MGAT4C: variants seen among roughly 807,000 people sequenced by gnomAD.
The protein encoded by MGAT4C is alpha-1,3-mannosyl-glycoprotein 4-beta-N-acetylglucosaminyltransferase C.
MGAT4C carries 19 observed loss-of-function variants against 40.1 expected under a neutral mutation model. That is an observed-to-expected ratio of 0.47 (90% confidence interval 0.33 to 0.70). MGAT4C has a LOEUF of 0.70. Among genes scored for constraint, MGAT4C ranks in the 30% least tolerant of loss-of-function variants. MGAT4C has a pLI of 0.02. For synonymous variants in MGAT4C, 181 were observed against 187.1 expected, an observed-to-expected ratio of 0.97 and a Z score of 0.27; for missense variants, 491 against 563.2, an observed-to-expected ratio of 0.87 and a Z score of 1.30.
rs761382985 is a variant in MGAT4C at position 86,202,885 on chromosome 12, A to T, written c.-57+53354T>A. 1.5e-4 allele frequency among the ~76,000 whole-genome samples: 23 copies of T among 151,774 alleles called. 1 individual carries two copies. Among genetic ancestry groups the T allele is most frequent in the Non-Finnish European group, 2.2e-4 (15 of 67,906 alleles). On this transcript the variant is annotated intron_variant, in intron 1 of 4. Transcript: ENST00000611864. ...CAAAATTATTCTTTCATATGTCCAAATTTTTATTTACTTTCCTTAAATATA... is the reference window on the plus strand; with the variant it reads ...CAAAATTATTCTTTCATATGTCCAATTTTTTATTTACTTTCCTTAAATATA...
chr12:86,658,703 A>T (rs973255494), intron 2 of MGAT4C, among the ~76,000 whole-genome samples: 1 of 152,052 alleles, frequency 6.6e-6, no homozygotes. Flanking sequence ...TCATTTTTTC[A>T]AAAAGTATTT....
intron 2 of MGAT4C, among the ~76,000 whole-genome samples, chr12:86,549,527 T>C (rs1050703032): frequency 2.6e-5 from 4 of 152,236 alleles, no homozygotes; most frequent in East Asian, 1.9e-4. Context: ...ATTTTAGGTT[T>C]AATGATGCTT....
At chr12:86,432,011 A>G (rs1164573172) in intron 3 of MGAT4C, among the ~76,000 whole-genome samples, 1 of 152,144 alleles carries the variant, frequency 6.6e-6, no homozygotes, top group Non-Finnish European at 1.5e-5. Context: ...AGGAACTCTT[A>G]AAAGTGTACT....
chr12:86,336,918 G>T (rs955616864), intron 3 of MGAT4C, among the ~76,000 whole-genome samples: 1 of 152,080 alleles, frequency 6.6e-6, no homozygotes, highest in African/African-American at 2.4e-5. Flanking sequence ...CACTGCCAAG[G>T]GCTTTGGTGT....
chr12:86,671,148 T>C (rs1392949596), intron 2 of MGAT4C, among the ~76,000 whole-genome samples: 1 of 152,252 alleles, frequency 6.6e-6, no homozygotes, highest in Non-Finnish European at 1.5e-5. Flanking sequence ...AAGATTTATT[T>C]AATGAGTTTT....
intron 1 of MGAT4C, among the ~76,000 whole-genome samples, chr12:86,803,473 C>T (rs1434912546): frequency 2.0e-5 from 3 of 152,044 alleles, no homozygotes; most frequent in Admixed American, 2.0e-4. Flanking sequence ...TCAGAGTGAA[C>T]AGGCAACCTA....
At chr12:86,167,115 A>G (rs116508844) in intron 1 of MGAT4C, among the ~76,000 whole-genome samples, 110 of 152,302 alleles carry the variant, frequency 7.2e-4, no homozygotes, top group African/African-American at 2.6e-3. Flanking sequence ...GAAAGACACA[A>G]ATACAAGACC....
chr12:86,189,946 G>A (rs1354482973), intron 1 of MGAT4C, among the ~76,000 whole-genome samples: 1 of 151,898 alleles, frequency 6.6e-6, no homozygotes, highest in Non-Finnish European at 1.5e-5. Flanking sequence ...TCATATTTAT[G>A]CAATTAACTA....
chr12:86,578,534 T>G (rs1040547245), intron 2 of MGAT4C, among the ~76,000 whole-genome samples: 5 of 151,832 alleles, frequency 3.3e-5, no homozygotes, highest in Admixed American at 6.6e-5. Context: ...TATTACAGCT[T>G]TGACCTTGTT....
intron 3 of MGAT4C, among the ~76,000 whole-genome samples, chr12:86,380,145 T>C (rs1041736157): frequency 6.6e-6 from 1 of 152,130 alleles, no homozygotes; most frequent in Non-Finnish European, 1.5e-5. Flanking sequence ...ACTGAATACG[T>C]TTAAATTGGT....
intron 2 of MGAT4C, among the ~76,000 whole-genome samples, chr12:86,491,250 A>G (rs143853485): frequency 0.027 from 4,154 of 152,290 alleles, 156 homozygotes; most frequent in African/African-American, 0.086. Flanking sequence ...TTCTGAAACT[A>G]TTCCAATCAA....
At chr12:86,782,347 A>AC (rs1437144878) in intron 1 of MGAT4C, among the ~76,000 whole-genome samples, 6 of 151,342 alleles carry the variant, frequency 4.0e-5, no homozygotes, top group Non-Finnish European at 7.4e-5. Context: ...ACGCCCGGCT[A>AC]ATTTTTTGTA....
At position 85,956,011 on chromosome 12, in the gene MGAT4C, T is replaced by C. The variant is rs944069482; in HGVS notation, c.*23278A>G. 6.6e-6 allele frequency: 1 copy of C among 152,180 alleles called. No individual in the cohort carries two copies. Among genetic ancestry groups the C allele is most frequent in the African/African-American group, 2.4e-5 (1 of 41,454 alleles). 9.4% of individuals were successfully genotyped at this position (152,180 alleles called of 1,614,324 possible). Reference sequence around the variant, plus strand: ...AAATTAAGTCCATGAATACATATAGTAAAATGTAGAGGTTTTCAATTGGTT... The same window carrying C: ...AAATTAAGTCCATGAATACATATAGCAAAATGTAGAGGTTTTCAATTGGTT... On this transcript the variant is annotated 3_prime_UTR_variant, in exon 5 of 5. Transcript: ENST00000611864.
intron 1 of MGAT4C, among the ~76,000 whole-genome samples, chr12:86,122,262 A>G (rs1879485991): frequency 6.6e-6 from 1 of 152,178 alleles, no homozygotes; most frequent in Admixed American, 6.5e-5. Flanking sequence ...ATTAGTAAAA[A>G]TACATATTCC....
chr12:86,837,563 C>T (rs1953061818), intron 1 of MGAT4C, among the ~76,000 whole-genome samples: 1 of 152,020 alleles, frequency 6.6e-6, no homozygotes, highest in Admixed American at 6.6e-5. Context: ...GTACACCATG[C>T]TCCAGGTCAA....
At chr12:86,077,969 G>A (rs375740211) in intron 1 of MGAT4C, among the ~76,000 whole-genome samples, 40 of 152,204 alleles carry the variant, frequency 2.6e-4, no homozygotes, top group African/African-American at 9.4e-4. Flanking sequence ...TAATGGAATC[G>A]TTGTTGTTCT....
chr12:86,418,069 C>T (rs968442604), intron 3 of MGAT4C, among the ~76,000 whole-genome samples: 1 of 151,936 alleles, frequency 6.6e-6, no homozygotes, highest in African/African-American at 2.4e-5. Context: ...TTTGTAAATA[C>T]GTATTCAAAG....
At chr12:86,700,035 A>ATAG (rs1950327765) in intron 2 of MGAT4C, among the ~76,000 whole-genome samples, 11 of 147,624 alleles carry the variant, frequency 7.5e-5, no homozygotes, top group African/African-American at 2.5e-4. Context: ...AATTTAGATA[A>ATAG]ATAGATAGAT....
intron 4 of MGAT4C, among the ~76,000 whole-genome samples, chr12:86,274,388 A>G (rs950287915): frequency 6.6e-6 from 1 of 152,052 alleles, no homozygotes; most frequent in East Asian, 1.9e-4. Context: ...TTATTTAACT[A>G]TATATATAGT....
Sources: gnomAD v4.1 joint callset for allele counts (sites outside exome capture counted in the v4.1 genomes callset) on GRCh38, gnomAD v4.1.1 for gene constraint, MANE v1.5 for transcripts, NCBI Gene and HGNC (gene_info 2026-07-23, HGNC 2026-07-21) for gene names.